KIF13A: variants seen among roughly 807,000 people sequenced by gnomAD.
The protein encoded by KIF13A is kinesin-like protein KIF13A.
Under a neutral mutation model 212.2 loss-of-function variants are expected in KIF13A, and 79 were observed. The ratio of observed to expected loss-of-function variants is 0.37; its 90% confidence interval spans 0.31 to 0.45. The LOEUF (loss-of-function observed/expected upper bound fraction) is 0.45. Among genes scored for constraint, KIF13A ranks in the 20% least tolerant of loss-of-function variants. The probability of loss-of-function intolerance (pLI) is 1.00; values close to 1 mark genes in which losing one functional copy is unlikely to be tolerated. For synonymous variants in KIF13A, 789 were observed against 808.6 expected, an observed-to-expected ratio of 0.98 and a Z score of 0.41; for missense variants, 1,901 against 2,209.0, an observed-to-expected ratio of 0.86 and a Z score of 2.79.
intron 16 of KIF13A, chr6:17,822,040 C>CTTATTT: frequency 4.4e-5 from 27 of 615,864 alleles, no homozygotes; most frequent in South Asian, 9.2e-5. Flanking sequence ...GGAAACATAA[C>CTTATTT]TTCTTTTTTT....
chr6:17,771,247 CACACACAA>C lies in KIF13A; in HGVS notation c.4477-37_4477-30del. On this transcript the variant is annotated intron_variant, in intron 37 of 38. Transcript: ENST00000259711. The surrounding 1 kb of genome is among the most constrained non-coding windows in gnomAD (Gnocchi z 5.4). ...CAAAGGTTAAGACACACAGATGCAT[CACACACAA>C]AGACGACAACGGCCAAAATACATAT... 1 of 1,491,044 alleles carries C rather than the reference CACACACAA, an allele frequency of 6.7e-7. No individual in the cohort carries two copies. Among genetic ancestry groups the C allele is most frequent in the Non-Finnish European group, 9.3e-7 (1 of 1,074,064 alleles). The allele number at this position is 1,491,044 out of a possible 1,614,324, so 92.4% of individuals were successfully genotyped here. A position where few individuals can be genotyped will look rare whatever the true frequency, so the allele number is the denominator to read the frequency against.
Position 17,914,136 on chromosome 6 carries a change from C to A in KIF13A, c.147-15956G>T, listed in dbSNP as rs917466439. Among the ~76,000 whole-genome samples the A allele has an allele frequency of 6.6e-6, 1 of 152,126 alleles. No homozygotes were observed. The highest frequency in any genetic ancestry group is 1.5e-5 in the Non-Finnish European group (1 of 68,022). ...GTTTCGAGAAGCACATAATCCAAGG[C>A]CATTTCTTAGTCTAAAGAATGTTCA... On this transcript the variant is annotated intron_variant, in intron 2 of 38. Transcript: ENST00000259711. The surrounding 1 kb of genome is among the most constrained non-coding windows in gnomAD (Gnocchi z 5.9).
At chr6:17,957,479 C>T (rs1778437768) in intron 2 of KIF13A, among the ~76,000 whole-genome samples, 1 of 152,168 alleles carries the variant, frequency 6.6e-6, no homozygotes, top group Non-Finnish European at 1.5e-5. Context: ...AATATAAGTG[C>T]TCCCCTGAGT....
chr6:17,804,289 G>C, intron 20 of KIF13A, 72 bp downstream of exon 20: 5 of 1,356,750 alleles, frequency 3.7e-6, no homozygotes, highest in Non-Finnish European at 4.9e-6. Context: ...AGCTTAAATA[G>C]AATGAAAAAC....
At chr6:17,887,422 C>T (rs1215349207) in intron 3 of KIF13A, among the ~76,000 whole-genome samples, 4 of 152,158 alleles carry the variant, frequency 2.6e-5, no homozygotes, top group Non-Finnish European at 4.4e-5. Context: ...TTATTATCCA[C>T]CCTACATTCT....
intron 33 of KIF13A, 50 bp downstream of exon 33, chr6:17,778,897 G>C (rs182705781): frequency 1.7e-5 from 26 of 1,541,906 alleles, no homozygotes; most frequent in Middle Eastern, 1.7e-4. Context: ...CTGTCCATTG[G>C]GGGTGAAGGC....
intron 38 of KIF13A, among the ~76,000 whole-genome samples, chr6:17,766,070 C>T (rs1191070365): frequency 6.6e-6 from 1 of 152,120 alleles, no homozygotes; most frequent in Non-Finnish European, 1.5e-5. Context: ...ACTTAGACAC[C>T]TCAAAAACAG....
At position 17,953,738 on chromosome 6, in the gene KIF13A, C is replaced by T. The variant is rs12192789; in HGVS notation, c.146+33316G>A. 446 of 194,052 alleles carry T rather than the reference C, an allele frequency of 2.3e-3. 1 individual carries two copies. The highest frequency in any genetic ancestry group is 3.4e-3 in the Non-Finnish European group (301 of 88,556). 12.0% of individuals were successfully genotyped at this position (194,052 alleles called of 1,614,324 possible). ...TGAGCCTGTGTATATCAAGTTGGTG[C>T]AGGCCCTTTGCGCTGAATACCAAAT... On this transcript the variant is annotated intron_variant, in intron 2 of 38. Coordinates refer to ENST00000259711, the MANE Select transcript of KIF13A (RefSeq NM_022113.6).
chr6:17,927,742 C>T (rs1775610978), intron 2 of KIF13A, among the ~76,000 whole-genome samples: 1 of 152,178 alleles, frequency 6.6e-6, no homozygotes, highest in Admixed American at 6.5e-5. Flanking sequence ...TTGCTAGGTA[C>T]TGAGACAGAG....
intron 2 of KIF13A, among the ~76,000 whole-genome samples, chr6:17,938,758 G>GATTTC (rs1776694925): frequency 6.6e-6 from 1 of 151,210 alleles, no homozygotes; most frequent in African/African-American, 2.4e-5. Context: ...GTACATGGAG[G>GATTTC]ATTTCCTTAA....
At chr6:17,876,045 T>G (rs969395861) in intron 3 of KIF13A, among the ~76,000 whole-genome samples, 2 of 152,212 alleles carry the variant, frequency 1.3e-5, no homozygotes, top group African/African-American at 4.8e-5. Flanking sequence ...CAATTCATTT[T>G]GGTGAGGAGA....
intron 2 of KIF13A, among the ~76,000 whole-genome samples, chr6:17,980,842 T>C (rs993080294): frequency 3.3e-5 from 5 of 151,692 alleles, no homozygotes; most frequent in South Asian, 2.1e-4. Flanking sequence ...ATTGGGAAAA[T>C]AGGGAGCAGG....
At chr6:17,857,769 C>T (rs1433342312) in intron 4 of KIF13A, among the ~76,000 whole-genome samples, 1 of 152,082 alleles carries the variant, frequency 6.6e-6, no homozygotes, top group East Asian at 1.9e-4. Context: ...AGGGAATATG[C>T]CTACACTGCC....
chr6:17,796,927 G>A (rs7752913), intron 22 of KIF13A, 107 bp from the exon 23 acceptor site: 7 of 594,578 alleles, frequency 1.2e-5, no homozygotes, highest in South Asian at 7.3e-5. Flanking sequence ...TAGCCTGATC[G>A]TGACCTTAAA....
rs535100104 is a variant in KIF13A at position 17,794,136 on chromosome 6, G to A, written c.3222+113C>T. ...AAGGCAATGGATGGAAATGTGAACTGGGGGAAGATCTACGGTTAAGGCAAA... is the reference window on the plus strand; with the variant it reads ...AAGGCAATGGATGGAAATGTGAACTAGGGGAAGATCTACGGTTAAGGCAAA... On this transcript the variant is annotated intron_variant, in intron 25 of 38. Transcript: ENST00000259711. The surrounding 1 kb of genome is among the most constrained non-coding windows in gnomAD (Gnocchi z 4.1). 200 of 744,208 alleles carry A rather than the reference G, an allele frequency of 2.7e-4. No homozygotes were observed. Among genetic ancestry groups the A allele is most frequent in the Admixed American group, 7.1e-4 (29 of 40,800 alleles). 46.1% of individuals were successfully genotyped at this position (744,208 alleles called of 1,614,324 possible).
At chr6:17,868,507 T>C (rs996953430) in intron 4 of KIF13A, among the ~76,000 whole-genome samples, 24 of 151,960 alleles carry the variant, frequency 1.6e-4, no homozygotes, top group African/African-American at 4.6e-4. Flanking sequence ...TGAGTTTATG[T>C]AGAAATGCCA....
downstream of KIF13A, chr6:17,760,139 G>A (rs184916707): frequency 1.1e-3 from 168 of 152,328 alleles, no homozygotes; most frequent in African/African-American, 3.8e-3. Context: ...AGGGAATTAT[G>A]GCACCAAACT....
rs761477339 is a variant in KIF13A, at chr6:17,843,967, C to T, written c.830+5410G>A. 1.3e-5 allele frequency among the ~76,000 whole-genome samples: 2 copies of T among 151,452 alleles called. No homozygotes were observed. Among genetic ancestry groups the T allele is most frequent in the African/African-American group, 2.4e-5 (1 of 41,204 alleles). ...GGCTGAGGCAGGAGAATCACTTGAA[C>T]CCAGGAGATGGAGGTCGCAGTGAGC... On this transcript the variant is annotated intron_variant, in intron 9 of 38. Coordinates refer to ENST00000259711, the MANE Select transcript of KIF13A (RefSeq NM_022113.6). This position sits in a 1 kb window ranked among gnomAD's most constrained non-coding sequence, Gnocchi z 5.3.
intron 17 of KIF13A, chr6:17,812,100 A>G (rs573384661): frequency 6.6e-6 from 1 of 152,364 alleles, no homozygotes; most frequent in African/African-American, 2.4e-5. Flanking sequence ...AATCAAAAAA[A>G]TATTTTTAAC....
Sources: gnomAD v4.1 joint callset for allele counts (sites outside exome capture counted in the v4.1 genomes callset) on GRCh38, gnomAD v4.1.1 for gene constraint, Gnocchi (gnomAD v3.1) non-coding constraint, MANE v1.5 for transcripts, NCBI Gene and HGNC (gene_info 2026-07-23, HGNC 2026-07-21) for gene names.